The following ITGBL1 variants were observed in gnomAD, a reference collection of about 807,000 sequenced individuals.
ITGBL1 encodes the protein integrin subunit beta like 1, also known as integrin beta-like protein 1.
A neutral mutation model predicts 68.5 loss-of-function variants in ITGBL1; 51 were observed. The ratio of observed to expected loss-of-function variants is 0.74; its 90% CI spans 0.59 to 0.94. ITGBL1 has a LOEUF of 0.94. Among genes scored for constraint, ITGBL1 ranks in the 40% least tolerant of loss-of-function variants. ITGBL1 has a pLI of 0.00. For synonymous variants in ITGBL1, 209 were observed against 227.3 expected, an observed-to-expected ratio of 0.92 and a Z score of 0.72; for missense variants, 649 against 647.4, an observed-to-expected ratio of 1.00 and a Z score of -0.03.
rs536314667 is a variant in ITGBL1 at position 101,487,313 on chromosome 13, C to T, written c.316+33213C>T. ...TGGAGCCTGTTGATAACAGCCTGTC[C>T]TTATCCTGTGACCTAAAATAATACC... On this transcript the variant is annotated intron_variant, in intron 2 of 10. Transcript: ENST00000376180. 7.2e-5 allele frequency among the ~76,000 whole-genome samples: 11 copies of T among 152,218 alleles called. 1 individual carries two copies. Among genetic ancestry groups the T allele is most frequent in the African/African-American group, 2.6e-4 (11 of 41,536 alleles).
At chr13:101,611,967 G>C (rs1236884293) in intron 7 of ITGBL1, among the ~76,000 whole-genome samples, 1 of 152,100 alleles carries the variant, frequency 6.6e-6, no homozygotes, top group African/African-American at 2.4e-5. Flanking sequence ...TTCAGACTCT[G>C]CTTTCTACCA....
At chr13:101,655,255 G>A (rs2032881071) in intron 7 of ITGBL1, among the ~76,000 whole-genome samples, 1 of 152,200 alleles carries the variant, frequency 6.6e-6, no homozygotes, top group Non-Finnish European at 1.5e-5. Context: ...TAGATTGATG[G>A]CACAGAATGG....
At chr13:101,551,878 G>GA (rs1394299217) in intron 2 of ITGBL1, among the ~76,000 whole-genome samples, 1 of 152,180 alleles carries the variant, frequency 6.6e-6, no homozygotes, top group Non-Finnish European at 1.5e-5. Flanking sequence ...ACTAAGTGAA[G>GA]ATTATCTATC....
At chr13:101,531,647 G>T (rs1320128731) in intron 2 of ITGBL1, among the ~76,000 whole-genome samples, 3 of 149,840 alleles carry the variant, frequency 2.0e-5, no homozygotes, top group African/African-American at 7.4e-5. Flanking sequence ...AAGTAGTTTA[G>T]GTATTTTATT....
At chr13:101,521,753 A>G (rs1311143462) in intron 2 of ITGBL1, among the ~76,000 whole-genome samples, 4 of 152,046 alleles carry the variant, frequency 2.6e-5, no homozygotes, top group Admixed American at 2.6e-4. Flanking sequence ...TCCATTTACA[A>G]TCCGCACAAG....
chr13:101,535,858 C>A (rs569225301), intron 2 of ITGBL1, among the ~76,000 whole-genome samples: 2 of 152,110 alleles, frequency 1.3e-5, no homozygotes, highest in East Asian at 1.9e-4. Flanking sequence ...GTGAAAAGTT[C>A]TCATATGGCT....
intron 2 of ITGBL1, among the ~76,000 whole-genome samples, chr13:101,488,353 G>A (rs1028633540): frequency 2.0e-5 from 3 of 152,212 alleles, no homozygotes; most frequent in African/African-American, 7.2e-5. Flanking sequence ...TGGCAGAGAA[G>A]ACTGCATGGC....
At chr13:101,675,994 CTTTA>C (rs368909710) in intron 7 of ITGBL1, among the ~76,000 whole-genome samples, 18 of 152,230 alleles carry the variant, frequency 1.2e-4, no homozygotes, top group African/African-American at 3.9e-4. Flanking sequence ...AGAATTTCCA[CTTTA>C]TTTGTTTTTT....
intron 7 of ITGBL1, among the ~76,000 whole-genome samples, chr13:101,606,662 C>A (rs2030877950): frequency 6.6e-6 from 1 of 151,932 alleles, no homozygotes; most frequent in Admixed American, 6.6e-5. Flanking sequence ...CTATAAGAAG[C>A]AGTGAAAAAT....
At chr13:101,481,397 A>G (rs1035143966) in intron 2 of ITGBL1, among the ~76,000 whole-genome samples, 2 of 152,096 alleles carry the variant, frequency 1.3e-5, no homozygotes, top group Non-Finnish European at 2.9e-5. Context: ...GGGTGGCTAT[A>G]GGAAGAAAAG....
chr13:101,473,846 G>A (rs2048497686), intron 2 of ITGBL1, among the ~76,000 whole-genome samples: 1 of 152,142 alleles, frequency 6.6e-6, no homozygotes. Context: ...TGTGCCAGAA[G>A]GAAACCCACT....
chr13:101,606,014 G>A (rs2030822620), intron 7 of ITGBL1, among the ~76,000 whole-genome samples: 3 of 143,294 alleles, frequency 2.1e-5, no homozygotes, highest in Admixed American at 1.4e-4. Flanking sequence ...ACATATATAT[G>A]TATATATGTT....
chr13:101,521,587 G>T (rs1730475610), intron 2 of ITGBL1, among the ~76,000 whole-genome samples: 1 of 152,008 alleles, frequency 6.6e-6, no homozygotes, highest in South Asian at 2.1e-4. Flanking sequence ...AGGAGTGATG[G>T]GTGGGGACAG....
chr13:101,682,471 A>G (rs2033666964), intron 7 of ITGBL1, among the ~76,000 whole-genome samples: 1 of 152,132 alleles, frequency 6.6e-6, no homozygotes, highest in Non-Finnish European at 1.5e-5. Flanking sequence ...TTTAGTAACA[A>G]AGATTTCAGA....
chr13:101,615,901 G>A (rs1479647888), intron 7 of ITGBL1, among the ~76,000 whole-genome samples: 1 of 152,166 alleles, frequency 6.6e-6, no homozygotes, highest in Non-Finnish European at 1.5e-5. Context: ...CTATGTGTAG[G>A]AAGCAGGCTC....
At chr13:101,517,554 G>C (rs912247903) in intron 2 of ITGBL1, among the ~76,000 whole-genome samples, 1 of 152,130 alleles carries the variant, frequency 6.6e-6, no homozygotes, top group African/African-American at 2.4e-5. Context: ...GGGTTGAGAA[G>C]CACTCAAAGT....
At chr13:101,707,816 G>GGTGTGT (rs2034295066) in intron 9 of ITGBL1, among the ~76,000 whole-genome samples, 1 of 147,020 alleles carries the variant, frequency 6.8e-6, no homozygotes, top group Admixed American at 6.9e-5. Flanking sequence ...TCACACCACT[G>GGTGTGT]CACTCCAGCC....
chr13:101,513,477 T>C (rs1385772063), intron 2 of ITGBL1, among the ~76,000 whole-genome samples: 1 of 152,100 alleles, frequency 6.6e-6, no homozygotes, highest in Non-Finnish European at 1.5e-5. Context: ...TATTACATGG[T>C]GCCAAAATTT....
At chr13:101,694,240 C>G (rs1180793936) in intron 8 of ITGBL1, among the ~76,000 whole-genome samples, 1 of 151,998 alleles carries the variant, frequency 6.6e-6, no homozygotes, top group African/African-American at 2.4e-5. Context: ...ACCAGAAATA[C>G]CTATGTAGGT....
Sources: allele counts gnomAD v4.1 joint callset (sites outside exome capture counted in the v4.1 genomes callset), GRCh38; gene constraint gnomAD v4.1.1; transcripts MANE v1.5; gene names NCBI Gene and HGNC (gene_info 2026-07-23, HGNC 2026-07-21).